TYR: variants seen among roughly 807,000 people sequenced by gnomAD.
TYR encodes the protein tyrosinase.
A neutral mutation model predicts 51.5 loss-of-function variants in TYR; 58 were observed. The ratio of observed to expected loss-of-function variants is 1.13; its 90% CI spans 0.91 to 1.40. The LOEUF is 1.40. Ranked by LOEUF, TYR falls within the 40% of genes most tolerant of loss-of-function variation. The pLI, the probability that TYR is intolerant of heterozygous loss-of-function variation, is 0.00. For synonymous variants in TYR, 263 were observed against 235.2 expected, an observed-to-expected ratio of 1.12 and a Z score of -1.08; for missense variants, 732 against 647.4, an observed-to-expected ratio of 1.13 and a Z score of -1.42.
intron 2 of TYR, among the ~76,000 whole-genome samples, chr11:89,200,917 A>G (rs557484845): frequency 3.9e-5 from 6 of 152,312 alleles, no homozygotes; most frequent in African/African-American, 1.4e-4. Flanking sequence ...ATCTGAAATC[A>G]TATCAATGAA....
At chr11:89,227,099 A>T (rs780033994) in intron 2 of TYR, among the ~76,000 whole-genome samples, 1 of 152,102 alleles carries the variant, frequency 6.6e-6, no homozygotes, top group Non-Finnish European at 1.5e-5. Flanking sequence ...GTTTTCTTTG[A>T]ATAGGGATAA....
At chr11:89,251,450 A>G (rs1944329852) in intron 3 of TYR, among the ~76,000 whole-genome samples, 1 of 151,896 alleles carries the variant, frequency 6.6e-6, no homozygotes, top group Admixed American at 6.6e-5. Context: ...AAGCATGCCC[A>G]AGATACATCT....
intron 1 of TYR, among the ~76,000 whole-genome samples, chr11:89,181,263 G>T (rs1470429402): frequency 6.6e-6 from 1 of 152,102 alleles, no homozygotes; most frequent in Non-Finnish European, 1.5e-5. Flanking sequence ...TGATCTGTCC[G>T]CCTCAGACTC....
chr11:89,200,548 T>G (rs1372506729), intron 2 of TYR: 1 of 143,956 alleles, frequency 6.9e-6, no homozygotes, highest in Admixed American at 6.8e-5. Context: ...TATTTATGAC[T>G]ACTTCTCATT....
chr11:89,249,755 G>A (rs545248838), intron 3 of TYR, among the ~76,000 whole-genome samples: 1 of 152,076 alleles, frequency 6.6e-6, no homozygotes, highest in South Asian at 2.1e-4. Context: ...TTAAGAGAGA[G>A]GATATGTATT....
chr11:89,260,360 G>T (rs1231558839), intron 3 of TYR, among the ~76,000 whole-genome samples: 2 of 151,936 alleles, frequency 1.3e-5, no homozygotes, highest in Non-Finnish European at 1.5e-5. Flanking sequence ...AGAGAGAACT[G>T]ACTTCTTACC....
intron 2 of TYR, among the ~76,000 whole-genome samples, chr11:89,198,769 A>ATATATATATATTTT (rs951676764): frequency 4.0e-5 from 6 of 151,014 alleles, no homozygotes; most frequent in African/African-American, 1.5e-4. Context: ...ATATATATAT[A>ATATATATATATTTT]TTTTTATACT....
intron 3 of TYR, among the ~76,000 whole-genome samples, chr11:89,279,881 T>C (rs889815678): frequency 1.3e-5 from 2 of 151,772 alleles, no homozygotes; most frequent in African/African-American, 2.4e-5. Context: ...GAGTTATATA[T>C]AGTACCTTCA....
chr11:89,264,676 T>C (rs1431365915), intron 3 of TYR, among the ~76,000 whole-genome samples: 1 of 150,964 alleles, frequency 6.6e-6, no homozygotes, highest in Non-Finnish European at 1.5e-5. Context: ...TAAATGTTCA[T>C]CAGTGATAGA....
At chr11:89,265,953 G>A (rs1319732788) in intron 3 of TYR, among the ~76,000 whole-genome samples, 13 of 151,950 alleles carry the variant, frequency 8.6e-5, no homozygotes, top group African/African-American at 1.2e-4. Flanking sequence ...GGCTGGAGAA[G>A]GAAATAAATG....
At chr11:89,221,121 G>A (rs570508181) in intron 2 of TYR, among the ~76,000 whole-genome samples, 1 of 152,322 alleles carries the variant, frequency 6.6e-6, no homozygotes, top group East Asian at 1.9e-4. Context: ...ATCACCTGTA[G>A]AACTGGTTAA....
intron 3 of TYR, among the ~76,000 whole-genome samples, chr11:89,262,847 C>CAAAAAAAAAAA (rs771958187): frequency 2.1e-4 from 4 of 19,290 alleles, no homozygotes; most frequent in East Asian, 1.9e-3. Flanking sequence ...GCTACTCATC[C>CAAAAAAAAAAA]AAAAAAAAAA....
At chr11:89,285,994 T>C (rs1590903403) in intron 4 of TYR, among the ~76,000 whole-genome samples, 1 of 151,908 alleles carries the variant, frequency 6.6e-6, no homozygotes, top group East Asian at 1.9e-4. Flanking sequence ...CTCACTCTTG[T>C]GCTCAAATCC....
At chr11:89,216,347 T>G (rs1333041621) in intron 2 of TYR, among the ~76,000 whole-genome samples, 2 of 152,184 alleles carry the variant, frequency 1.3e-5, no homozygotes, top group Admixed American at 6.5e-5. Context: ...CATGGAATAT[T>G]GTGGAATTAG....
chr11:89,256,534 A>G (rs933306819), intron 3 of TYR, among the ~76,000 whole-genome samples: 35 of 151,804 alleles, frequency 2.3e-4, no homozygotes, highest in Non-Finnish European at 4.4e-4. Flanking sequence ...AATGAGAAAA[A>G]ACAGAAACAA....
intron 2 of TYR, among the ~76,000 whole-genome samples, chr11:89,216,647 C>CAAAAAAAAAAAAAAAAAA (rs11411684): frequency 2.4e-3 from 193 of 80,760 alleles, no homozygotes; most frequent in Non-Finnish European, 4.0e-3. Flanking sequence ...TTTTCCATCT[C>CAAAAAAAAAAAAAAAAAA]AAAAAAAAAA....
intron 1 of TYR, among the ~76,000 whole-genome samples, chr11:89,188,796 T>G (rs1943407422): frequency 6.6e-6 from 1 of 151,770 alleles, no homozygotes; most frequent in Non-Finnish European, 1.5e-5. Context: ...AAATAACCAG[T>G]ACAGGAACAT....
In TYR at chr11:89,196,845, T is replaced by A. The variant is rs942943633; in HGVS notation, c.1036+5427T>A. 5.9e-5 allele frequency among the ~76,000 whole-genome samples: 9 copies of A among 152,266 alleles called. No individual in the cohort carries two copies. In the South Asian group the frequency reaches 8.3e-4, roughly 14 times the overall value. ...TGAAGTTCTTTAGGCTAAACCAAAA[T>A]CTAATTCCATTCGACTTAAATAGAG... is the stretch of plus-strand genomic sequence containing the variant. On this transcript the variant is annotated intron_variant, in intron 2 of 4. Coordinates refer to ENST00000263321, the MANE Select transcript of TYR (RefSeq NM_000372.5).
intron 2 of TYR, among the ~76,000 whole-genome samples, chr11:89,209,698 T>C (rs945660449): frequency 4.6e-5 from 7 of 152,030 alleles, no homozygotes; most frequent in Non-Finnish European, 1.0e-4. Flanking sequence ...TGGGAGACAC[T>C]ACCCAGTAGA....
Sources: allele counts gnomAD v4.1 joint callset (sites outside exome capture counted in the v4.1 genomes callset), GRCh38; gene constraint gnomAD v4.1.1; transcripts MANE v1.5; gene names NCBI Gene and HGNC (gene_info 2026-07-23, HGNC 2026-07-21).